The following FAM20B variants were observed in gnomAD, a reference collection of about 807,000 sequenced individuals.
FAM20B encodes glycosaminoglycan xylosylkinase.
Under a neutral mutation model 43.8 loss-of-function variants are expected in FAM20B, and 23 were observed. The ratio of observed to expected loss-of-function variants is 0.53; its 90% CI spans 0.38 to 0.74. The LOEUF (loss-of-function observed/expected upper bound fraction) is 0.74, where lower values mean the gene tolerates loss of function less well. Among genes scored for constraint, FAM20B ranks in the 30% least tolerant of loss-of-function variants. The pLI is 0.00. For missense variants in FAM20B, 440 were observed against 510.5 expected, an observed-to-expected ratio of 0.86 and a Z score of 1.33; for synonymous variants, 178 against 192.4, an observed-to-expected ratio of 0.93 and a Z score of 0.62.
At position 179,066,868 on chromosome 1, in the gene FAM20B, T is replaced by C. The variant is rs1457131073; in HGVS notation, c.998+9T>C. The C allele has an allele frequency of 9.4e-6, 15 of 1,595,218 alleles. No individual in the cohort carries two copies. Among genetic ancestry groups the C allele is most frequent in the African/African-American group, 4.0e-5 (3 of 74,594 alleles). On this transcript the variant is annotated intron_variant, in intron 7 of 7. Coordinates refer to ENST00000263733, the MANE Select transcript of FAM20B (RefSeq NM_014864.4). ...CTCTATCAGTGTTGCATGTAAGTTA[T>C]GCACAGCAAATACATGTGCCTGCAT... is the stretch of plus-strand genomic sequence containing the variant.
chr1:179,063,895 T>C (rs776653047), intron 4 of FAM20B, 32 bp from the exon 5 acceptor site: 4 of 1,534,984 alleles, frequency 2.6e-6, no homozygotes, highest in Non-Finnish European at 3.6e-6. Flanking sequence ...CGTTATTTCC[T>C]TAAGTGTATT....
chr1:179,032,203 C>A (rs189741999), intron 1 of FAM20B, among the ~76,000 whole-genome samples: 1 of 152,006 alleles, frequency 6.6e-6, no homozygotes, highest in Non-Finnish European at 1.5e-5. Flanking sequence ...TGTCATTTTT[C>A]TCCTCTCTGG....
intron 2 of FAM20B, among the ~76,000 whole-genome samples, chr1:179,047,904 C>T (rs1398722371): frequency 6.6e-6 from 1 of 152,206 alleles, no homozygotes; most frequent in Non-Finnish European, 1.5e-5. Context: ...ATGGATCACT[C>T]TCTGGTAAGA....
intron 1 of FAM20B, chr1:179,035,242 G>C (rs888411047): frequency 2.0e-6 from 1 of 490,088 alleles, no homozygotes; most frequent in African/African-American, 2.0e-5. Context: ...TTTTTTTTAA[G>C]TACAATTTCC....
intron 6 of FAM20B, among the ~76,000 whole-genome samples, chr1:179,066,229 C>T (rs1651683490): frequency 6.6e-6 from 1 of 152,172 alleles, no homozygotes; most frequent in Admixed American, 6.6e-5. Context: ...ATCAGTTCTC[C>T]TTTTCTAACT....
At chr1:179,018,407 A>G in the FAM20B span, among the ~76,000 whole-genome samples, 1 of 152,146 alleles carries the variant, frequency 6.6e-6, no homozygotes. Flanking sequence ...CCCAGGTTCA[A>G]GCGATTTTCA....
Position 179,066,810 on chromosome 1 carries a change from C to T in FAM20B, c.949C>T (p.Pro317Ser). The change falls in exon 7 of 8, where the codon CCC (proline) becomes TCC (serine). Residue 317 changes from proline to serine, a missense_variant. Physicochemically the swap from Pro to Ser is moderately conservative, Grantham distance 74. Coordinates refer to ENST00000263733, the MANE Select transcript of FAM20B (RefSeq NM_014864.4). ...TAATTTAATTTTCAGCTTTGGGAAC[C>T]CCTCGCTGGATGAAAGAAGCATTCT... ...LLDNAKSFGN[P>S]SLDERSILAP... 1 of 1,611,838 alleles carries T rather than the reference C, an allele frequency of 6.2e-7. No homozygotes were observed. Among genetic ancestry groups the T allele is most frequent in the South Asian group, 1.1e-5 (1 of 91,038 alleles).
In FAM20B at chr1:179,050,285, C is replaced by T. The variant is rs1440090646; in HGVS notation, c.384C>T (p.Ser128=). ...QKVVFKPKRY[S]RDHVVEGEPY... is the part of the protein sequence containing the mutation. Reference sequence around the variant, plus strand: ...CTTCCCATTCACTTTGCAGGTATAGCCGAGACCATGTGGTGGAAGGGGAAC... The same window carrying T: ...CTTCCCATTCACTTTGCAGGTATAGTCGAGACCATGTGGTGGAAGGGGAAC... The change falls in exon 3 of 8, where the codon AGC becomes AGT. Residue 128 remains serine, a synonymous_variant. Coordinates refer to ENST00000263733, the MANE Select transcript of FAM20B (RefSeq NM_014864.4). The T allele has an allele frequency of 2.5e-6, 4 of 1,612,712 alleles. No individual in the cohort carries two copies. Among genetic ancestry groups the T allele is most frequent in the Non-Finnish European group, 3.4e-6 (4 of 1,178,880 alleles).
At chr1:179,026,571 G>A (rs535715206) in intron 1 of FAM20B, among the ~76,000 whole-genome samples, 88 of 152,328 alleles carry the variant, frequency 5.8e-4, no homozygotes, top group Non-Finnish European at 1.1e-3. Context: ...GTCTTTGCTG[G>A]GCCCGCCTCG....
At position 179,035,706 on chromosome 1, in the gene FAM20B, C is replaced by T. The variant is rs996756903; in HGVS notation, c.-133-8009C>T. On this transcript the variant is annotated intron_variant, in intron 1 of 7. Transcript: ENST00000263733. ...CTTGAAAGAAGACTTTACATTAAGA[C>T]CTCACTTTTTTTCTGTGGAATCTAT... 22 of 331,440 alleles carry T rather than the reference C, an allele frequency of 6.6e-5. 1 individual carries two copies. In the South Asian group the frequency reaches 7.2e-4, roughly 11 times the overall value. 20.5% of individuals were successfully genotyped at this position (331,440 alleles called of 1,614,324 possible). A position where few individuals can be genotyped will look rare whatever the true frequency, so the allele number is the denominator to read the frequency against.
chr1:179,033,997 T>C (rs1243404106), intron 1 of FAM20B, among the ~76,000 whole-genome samples: 1 of 152,152 alleles, frequency 6.6e-6, no homozygotes, highest in Non-Finnish European at 1.5e-5. Flanking sequence ...CAGCCTGTTA[T>C]TTCTTATAAT....
intron 1 of FAM20B, among the ~76,000 whole-genome samples, chr1:179,041,603 G>A (rs1316254398): frequency 6.6e-6 from 1 of 151,780 alleles, no homozygotes; most frequent in Non-Finnish European, 1.5e-5. Flanking sequence ...CTCGGCATCA[G>A]AGGGAGACCG....
intron 1 of FAM20B, among the ~76,000 whole-genome samples, chr1:179,040,020 C>A (rs1451644376): frequency 6.6e-6 from 1 of 152,180 alleles, no homozygotes; most frequent in Non-Finnish European, 1.5e-5. Context: ...GTGGACACAG[C>A]ACATGTTTCA....
chr1:179,048,927 T>G (rs1257240545), intron 2 of FAM20B, among the ~76,000 whole-genome samples: 1 of 152,200 alleles, frequency 6.6e-6, no homozygotes, highest in African/African-American at 2.4e-5. Flanking sequence ...CACTTCCCTA[T>G]TGCTGTTTTA....
upstream of FAM20B, among the ~76,000 whole-genome samples, chr1:179,025,651 A>G (rs1649725545): frequency 6.6e-6 from 1 of 152,174 alleles, no homozygotes; most frequent in South Asian, 2.1e-4. Context: ...GTGAGAAGTG[A>G]GAGGCCAGTT....
intron 1 of FAM20B, among the ~76,000 whole-genome samples, chr1:179,042,431 G>A (rs1425154379): frequency 6.6e-6 from 1 of 152,178 alleles, no homozygotes; most frequent in Non-Finnish European, 1.5e-5. Context: ...GAACATGGTG[G>A]CATCCAGAAA....
At chr1:179,062,138 T>C (rs1419245308) in intron 4 of FAM20B, among the ~76,000 whole-genome samples, 1 of 152,110 alleles carries the variant, frequency 6.6e-6, no homozygotes, top group Admixed American at 6.6e-5. Context: ...TTCCAAGTAG[T>C]TGGAATTACA....
upstream of FAM20B, among the ~76,000 whole-genome samples, chr1:179,021,534 A>C (rs988546128): frequency 6.6e-6 from 1 of 152,226 alleles, no homozygotes; most frequent in East Asian, 1.9e-4. Context: ...ATGCCACAAC[A>C]AAGTGTACAC....
In FAM20B at chr1:179,063,950, A is replaced by G. The variant is rs1651579594; in HGVS notation, c.598A>G (p.Lys200Glu). 1 of 1,608,550 alleles carries G rather than the reference A, an allele frequency of 6.2e-7. No individual in the cohort carries two copies. Among genetic ancestry groups the G allele is most frequent in the Non-Finnish European group, 8.5e-7 (1 of 1,177,406 alleles). Residue 200 changes from lysine to glutamate, a missense_variant, in exon 5 of 8, where the codon AAG (lysine) becomes GAG (glutamate). By Grantham distance (56) the Lys-to-Glu change is moderately conservative. Coordinates refer to ENST00000263733, the MANE Select transcript of FAM20B (RefSeq NM_014864.4). ...AGGAAACAATACTTGTTTTTATGGG[A>G]AGTGCTATTACTGCCGAGAAACAGA... ...TVGNNTCFYG[K>E]CYYCRETEPA...
Sources: allele counts gnomAD v4.1 joint callset (sites outside exome capture counted in the v4.1 genomes callset), GRCh38; gene constraint gnomAD v4.1.1; transcripts MANE v1.5; gene names NCBI Gene and HGNC (gene_info 2026-07-23, HGNC 2026-07-21).